PLA2G6: variants seen among roughly 807,000 people sequenced by gnomAD.
PLA2G6 encodes the protein 85/88 kDa calcium-independent phospholipase A2.
PLA2G6 carries 62 observed loss-of-function variants against 83.8 expected under a neutral mutation model. The observed-to-expected ratio is 0.74, with a 90% CI of 0.60 to 0.91. The LOEUF is 0.91. Ranked by LOEUF, PLA2G6 falls within the 40% of genes least tolerant of loss-of-function variation. The pLI is 0.00. For missense variants in PLA2G6, 944 were observed against 1,102.0 expected (o/e 0.86, Z 2.03); for synonymous variants, 417 against 449.8 (o/e 0.93, Z 0.92).
At chr22:38,170,477 T>A (rs1345506177) in intron 1 of PLA2G6, among the ~76,000 whole-genome samples, 1 of 151,944 alleles carries the variant, frequency 6.6e-6, no homozygotes, top group Non-Finnish European at 1.5e-5. Flanking sequence ...CATTCGAGAC[T>A]CAGGAGCAGC....
At chr22:38,116,873 A>C (rs933920598) in intron 12 of PLA2G6, among the ~76,000 whole-genome samples, 9 of 151,218 alleles carry the variant, frequency 6.0e-5, no homozygotes, top group African/African-American at 1.7e-4. Flanking sequence ...AAAAAAAAAA[A>C]AAACAGAATA....
At chr22:38,115,184 C>A (rs1327158831) in intron 14 of PLA2G6, among the ~76,000 whole-genome samples, 1 of 152,224 alleles carries the variant, frequency 6.6e-6, no homozygotes, top group Non-Finnish European at 1.5e-5. Flanking sequence ...TGGGGACAGG[C>A]ATTCCTGTGG....
chr22:38,145,055 T>C (rs927379087), intron 3 of PLA2G6: 15 of 217,496 alleles, frequency 6.9e-5, no homozygotes, highest in South Asian at 2.0e-4. Flanking sequence ...TTTTTTTTTT[T>C]CCTAGAGACA....
chr22:38,173,668 C>T (rs1034414090), intron 1 of PLA2G6, among the ~76,000 whole-genome samples: 5 of 152,106 alleles, frequency 3.3e-5, no homozygotes, highest in Admixed American at 6.6e-5. Flanking sequence ...AGCTGAAGGA[C>T]GGGAGGAACA....
chr22:38,152,349 C>T (rs991665898), intron 2 of PLA2G6, among the ~76,000 whole-genome samples: 1 of 152,014 alleles, frequency 6.6e-6, no homozygotes, highest in African/African-American at 2.4e-5. Flanking sequence ...TACAGGCATG[C>T]ACCACCATGC....
chr22:38,127,300 G>C (rs980240608), intron 9 of PLA2G6: 2 of 1,268,600 alleles, frequency 1.6e-6, no homozygotes, highest in Admixed American at 2.4e-5. Context: ...GTGCAGGGGA[G>C]GGGGCGTGTG....
chr22:38,126,355 A>C lies in PLA2G6; in HGVS notation c.1427+16T>G, dbSNP rs981964953. 8.1e-6 allele frequency: 13 copies of C among 1,605,366 alleles called. No individual in the cohort carries two copies. Among genetic ancestry groups the C allele is most frequent in the Non-Finnish European group, 1.1e-5 (13 of 1,172,570 alleles). On this transcript the variant is annotated intron_variant, in intron 10 of 16. Transcript: ENST00000332509. ...GCACACGTTCCCCGCTCTGCCCCCG[A>C]TCTCGATCCACTTACGTCCGCTTCT...
At chr22:38,168,034 C>G (rs9622746) in intron 2 of PLA2G6, 53,592 of 169,274 alleles carry the variant, frequency 0.32, 9,162 homozygotes, top group South Asian at 0.43. Context: ...CTTCCAGACG[C>G]AGAGTAGCTC....
Position 38,153,942 on chromosome 22 carries a change from T to C in PLA2G6, c.210-8289A>G, listed in dbSNP as rs896630218. Among the ~76,000 whole-genome samples, 5 of 152,160 alleles carry C rather than the reference T, an allele frequency of 3.3e-5. No individual in the cohort carries two copies. The South Asian group carries it at 6.2e-4, about 19-fold the overall frequency. On this transcript the variant is annotated intron_variant, in intron 2 of 16. Transcript: ENST00000332509. ...AGAGCCCTTAGGCCCTGAATGAACG[T>C]TGGCAGTGGCCTGGCAGCACTGCCA...
chr22:38,129,554 G>A lies in PLA2G6; in HGVS notation c.1086C>T (p.Asn362=), dbSNP rs2413502. The part of the protein sequence containing the change: ...TPLHLAMSKD[N]VEMIKALIVF... Reference sequence around the variant, plus strand: ...CGATGAGGGCCTTGATCATCTCCACGTTGTCTTTCTGTTGGAGATGGAGAG... The same window carrying A: ...CGATGAGGGCCTTGATCATCTCCACATTGTCTTTCTGTTGGAGATGGAGAG... The change falls in exon 8 of 17, where the codon AAC becomes AAT. Residue 362 remains asparagine, a synonymous_variant. Coordinates refer to ENST00000332509, the MANE Select transcript of PLA2G6 (RefSeq NM_003560.4). 0.011 allele frequency: 17,629 copies of A among 1,612,058 alleles called. 1,459 individuals carry two copies. In the African/African-American group the frequency reaches 0.19, roughly 17 times the overall value.
intron 11 of PLA2G6, among the ~76,000 whole-genome samples, chr22:38,121,597 A>C (rs1406867286): frequency 6.6e-6 from 1 of 152,166 alleles, no homozygotes; most frequent in Non-Finnish European, 1.5e-5. Flanking sequence ...CCCGTGAGGC[A>C]GTGAGTTCCC....
intron 3 of PLA2G6, 95 bp downstream of exon 3, chr22:38,145,343 G>C (rs1441406351): frequency 9.3e-7 from 1 of 1,080,868 alleles, no homozygotes; most frequent in East Asian, 2.6e-5. Context: ...TCCTTTTTAA[G>C]TCAAACTATG....
intron 16 of PLA2G6, 34 bp from the exon 17 acceptor site, chr22:38,112,339 G>A: frequency 3.7e-6 from 6 of 1,609,952 alleles, no homozygotes; most frequent in Non-Finnish European, 3.4e-6. Flanking sequence ...GTCACCCTAG[G>A]ATGCTCAGGC....
chr22:38,129,875 C>T (rs1027465495), intron 7 of PLA2G6, among the ~76,000 whole-genome samples: 3 of 152,216 alleles, frequency 2.0e-5, no homozygotes, highest in South Asian at 2.1e-4. Flanking sequence ...TCTGTGACCC[C>T]GACCCAGGAG....
At chr22:38,113,450 C>T (rs2087001372) in intron 15 of PLA2G6, 37 bp downstream of exon 15, 1 of 1,607,696 alleles carries the variant, frequency 6.2e-7, no homozygotes, top group Admixed American at 1.7e-5. Context: ...GCTACAGACC[C>T]TGAGGGAAGT....
intron 5 of PLA2G6, chr22:38,138,623 G>A (rs535031236): frequency 1.3e-5 from 2 of 152,334 alleles, no homozygotes; most frequent in South Asian, 4.1e-4. Flanking sequence ...TGCCAGGATC[G>A]AAGGACTCAT....
Position 38,132,736 on chromosome 22 carries a change from G to T in PLA2G6, c.1077+95C>A. ...AGATGATTTGGAGCAGCTGACGATA[G>T]GAGGGAGACAGTGGGGAGGAGGGCT... On this transcript the variant is annotated intron_variant, in intron 7 of 16. Transcript: ENST00000332509. The surrounding 1 kb of genome is among the most constrained non-coding windows in gnomAD (Gnocchi z 5.0). 9.1e-7 allele frequency: 1 copy of T among 1,100,218 alleles called. No homozygotes were observed. Among genetic ancestry groups the T allele is most frequent in the Non-Finnish European group, 1.3e-6 (1 of 760,674 alleles). The allele number at this position is 1,100,218 out of a possible 1,614,324, so 68.2% of individuals were successfully genotyped here.
At chr22:38,133,337 G>A in intron 6 of PLA2G6, 2 of 428,338 alleles carry the variant, frequency 4.7e-6, no homozygotes, top group Non-Finnish European at 4.3e-6. Context: ...CCCGCTCCCT[G>A]CATCCCTCCC....
chr22:38,125,978 G>A (rs563942462), intron 10 of PLA2G6, among the ~76,000 whole-genome samples: 3 of 152,310 alleles, frequency 2.0e-5, no homozygotes, highest in East Asian at 3.9e-4. Context: ...GGCAGCCCAC[G>A]CCACTATTCT....
Sources: gnomAD v4.1 joint callset for allele counts (sites outside exome capture counted in the v4.1 genomes callset) on GRCh38, gnomAD v4.1.1 for gene constraint, Gnocchi (gnomAD v3.1) non-coding constraint, MANE v1.5 for transcripts, NCBI Gene and HGNC (gene_info 2026-07-23, HGNC 2026-07-21) for gene names.